SOX5: variants seen among roughly 807,000 people sequenced by gnomAD.
The protein encoded by SOX5 is transcription factor SOX-5.
A neutral mutation model predicts 92.0 loss-of-function variants in SOX5; 9 were observed. The ratio of observed to expected loss-of-function variants is 0.10; its 90% CI spans 0.06 to 0.17. The LOEUF (loss-of-function observed/expected upper bound fraction) is 0.17, where lower values mean the gene tolerates loss of function less well. SOX5 is among the 10% of genes least tolerant of loss of function. SOX5 has a pLI of 1.00. For missense variants in SOX5, 642 were observed against 944.5 expected, an observed-to-expected ratio of 0.68 and a Z score of 4.20; for synonymous variants, 344 against 336.3, an observed-to-expected ratio of 1.02 and a Z score of -0.25.
At chr12:24,429,651 C>A (rs901202604) in intron 1 of SOX5, among the ~76,000 whole-genome samples, 1 of 150,184 alleles carries the variant, frequency 6.7e-6, no homozygotes, top group Non-Finnish European at 1.5e-5. Context: ...CACACACACA[C>A]CCCATGAGCA....
chr12:24,210,038 A>G (rs1958435871), intron 4 of SOX5, among the ~76,000 whole-genome samples: 1 of 150,622 alleles, frequency 6.6e-6, no homozygotes, highest in African/African-American at 2.4e-5. Context: ...AAAAAAAAAA[A>G]AAAAAAAAGA....
At chr12:24,440,251 G>A (rs1335572148) in intron 1 of SOX5, among the ~76,000 whole-genome samples, 1 of 152,154 alleles carries the variant, frequency 6.6e-6, no homozygotes, top group East Asian at 1.9e-4. Context: ...CACAGACGCT[G>A]ACTGAGGAAC....
At chr12:23,563,111 C>G (rs911988697) in intron 11 of SOX5, 147 bp downstream of exon 11, 1 of 617,044 alleles carries the variant, frequency 1.6e-6, no homozygotes, top group Non-Finnish European at 2.7e-6. Flanking sequence ...ATTAGGATGG[C>G]GATGAGGCCT....
intron 4 of SOX5, among the ~76,000 whole-genome samples, chr12:24,121,977 A>G (rs1167738921): frequency 6.6e-6 from 1 of 152,006 alleles, no homozygotes; most frequent in African/African-American, 2.4e-5. Flanking sequence ...CAATGCAAGG[A>G]AAAAATTCAT....
At chr12:23,546,826 T>A (rs1417047077) in intron 11 of SOX5, among the ~76,000 whole-genome samples, 2 of 152,186 alleles carry the variant, frequency 1.3e-5, no homozygotes, top group African/African-American at 4.8e-5. Flanking sequence ...AGTCTTCCAA[T>A]AGTCAGGTGA....
intron 2 of SOX5, among the ~76,000 whole-genome samples, chr12:24,363,466 G>A (rs1032601857): frequency 1.1e-4 from 17 of 152,068 alleles, no homozygotes; most frequent in Non-Finnish European, 2.5e-4. Flanking sequence ...AGAAAGAGCA[G>A]GTTGAAATAG....
intron 4 of SOX5, among the ~76,000 whole-genome samples, chr12:24,202,869 G>T (rs1957661328): frequency 6.6e-6 from 1 of 152,108 alleles, no homozygotes; most frequent in Admixed American, 6.6e-5. Context: ...GGTGGTGTCT[G>T]CCAGGTTTTT....
At chr12:23,628,806 T>TTTTGTA (rs1244007900) in intron 8 of SOX5, among the ~76,000 whole-genome samples, 8 of 151,928 alleles carry the variant, frequency 5.3e-5, no homozygotes, top group Non-Finnish European at 1.2e-4. Flanking sequence ...TAAGCTTTTT[T>TTTTGTA]TTTTTATTTT....
intron 3 of SOX5, among the ~76,000 whole-genome samples, chr12:23,799,408 A>T (rs1018132326): frequency 6.6e-6 from 1 of 152,078 alleles, no homozygotes; most frequent in Non-Finnish European, 1.5e-5. Flanking sequence ...TTTCTCCCTA[A>T]CAATGTAGCC....
intron 1 of SOX5, among the ~76,000 whole-genome samples, chr12:24,553,635 C>A (rs1953442833): frequency 6.6e-6 from 1 of 152,198 alleles, no homozygotes; most frequent in Non-Finnish European, 1.5e-5. Flanking sequence ...TCAAATCAGG[C>A]AGCAGAGTAT....
chr12:24,286,333 C>G (rs1425946791), intron 2 of SOX5, among the ~76,000 whole-genome samples: 1 of 152,132 alleles, frequency 6.6e-6, no homozygotes, highest in Non-Finnish European at 1.5e-5. Flanking sequence ...CAGAAAAGAT[C>G]AACCCAGAGC....
rs59615409 is a variant in SOX5 at position 24,055,055 on chromosome 12, C to CA, written c.-2+158287dup. 6.3e-3 allele frequency among the ~76,000 whole-genome samples: 931 copies of CA among 148,444 alleles called. 10 individuals carry two copies. Among genetic ancestry groups the CA allele is most frequent in the South Asian group, 0.035 (165 of 4,730 alleles). ...AAAAAAGCAACTTAACCAAAATTTT[C>CA]AAAAAAAAATGAGGATAAAAAGATA... On this transcript the variant is annotated intron_variant, in intron 4 of 4. Coordinates refer to the SOX5 transcript ENST00000446891.
chr12:24,372,218 T>C lies in SOX5; in HGVS notation c.-250-3579A>G, dbSNP rs529847076. On this transcript the variant is annotated intron_variant, in intron 1 of 4. Transcript: ENST00000446891. The stretch of plus-strand genomic sequence containing the variant: ...GTTACATAGTTATACACGTGCCATG[T>C]TGGTTTCCTGCACTCATCAACCCAT... Among the ~76,000 whole-genome samples, 32 of 152,272 alleles carry C rather than the reference T, an allele frequency of 2.1e-4. No homozygotes were observed. In the East Asian group the frequency reaches 6.0e-3, roughly 28 times the overall value.
chr12:24,312,987 C>T (rs1157680207), intron 2 of SOX5, among the ~76,000 whole-genome samples: 5 of 152,070 alleles, frequency 3.3e-5, no homozygotes, highest in Admixed American at 6.6e-5. Flanking sequence ...TTTTGTCAGC[C>T]CCGGTTGTAT....
In SOX5 at chr12:23,634,689, GT is replaced by G. The variant is rs556739242; in HGVS notation, c.1017+6122del. Among the ~76,000 whole-genome samples the G allele has an allele frequency of 3.3e-3, 504 of 152,212 alleles. 2 individuals are homozygous for G. The highest frequency in any genetic ancestry group is 0.011 in the African/African-American group (465 of 41,538). Reference sequence around the variant, plus strand: ...ATGTTTATTTCATTAAATGAGAATAGTTTATTATAAAATTTCAACATTATCT... The same window carrying G: ...ATGTTTATTTCATTAAATGAGAATAGTTATTATAAAATTTCAACATTATCT... On this transcript the variant is annotated intron_variant, in intron 8 of 14. Coordinates refer to ENST00000451604, the MANE Select transcript of SOX5 (RefSeq NM_006940.6).
intron 1 of SOX5, among the ~76,000 whole-genome samples, chr12:24,450,430 C>A (rs1942101975): frequency 6.6e-6 from 1 of 151,956 alleles, no homozygotes. Context: ...ATAATCTGAT[C>A]AGGATAAATG....
At chr12:24,075,823 A>G (rs1368589789) in intron 4 of SOX5, among the ~76,000 whole-genome samples, 1 of 152,220 alleles carries the variant, frequency 6.6e-6, no homozygotes, top group Non-Finnish European at 1.5e-5. Flanking sequence ...AGGAGGCCAA[A>G]GTAAAATCAC....
At position 23,534,445 on chromosome 12, in the gene SOX5, G is replaced by C; in HGVS notation, c.2066C>G (p.Pro689Arg). The C allele has an allele frequency of 6.2e-7, 1 of 1,614,060 alleles. No individual in the cohort carries two copies. The highest frequency in any genetic ancestry group is 8.5e-7 in the Non-Finnish European group (1 of 1,180,012). ...GCTTGAGTGCTCCGAGGGCAGGTGA[G>C]GGGAGGGCATCCCAGCCATGGCGAT... is the stretch of plus-strand genomic sequence containing the variant. Reference protein sequence around the residue: ...GAIAMAGMPSPHLPSEHSSVS... With the variant: ...GAIAMAGMPSRHLPSEHSSVS... The change falls in exon 15 of 15, where the codon CCT (proline) becomes CGT (arginine). Residue 689 changes from proline to arginine, a missense_variant. Coordinates refer to ENST00000451604, the MANE Select transcript of SOX5 (RefSeq NM_006940.6).
At chr12:24,139,121 A>C (rs1486370433) in intron 4 of SOX5, among the ~76,000 whole-genome samples, 1 of 152,206 alleles carries the variant, frequency 6.6e-6, no homozygotes, top group Non-Finnish European at 1.5e-5. Flanking sequence ...TTTCTCATAA[A>C]GATGTGTAAA....
Sources: gnomAD v4.1 joint callset for allele counts (sites outside exome capture counted in the v4.1 genomes callset) on GRCh38, gnomAD v4.1.1 for gene constraint, MANE v1.5 for transcripts, NCBI Gene and HGNC (gene_info 2026-07-23, HGNC 2026-07-21) for gene names.